The following MGST1 variants were observed in gnomAD, a reference collection of about 807,000 sequenced individuals.
MGST1 encodes glutathione S-transferase 12.
Under a neutral mutation model 8.9 loss-of-function variants are expected in MGST1, and 5 were observed. That is an observed-to-expected ratio of 0.56 (90% CI 0.29 to 1.19). MGST1 has a LOEUF of 1.19. MGST1 is among the 50% of genes most tolerant of loss of function. The pLI, the probability that MGST1 is intolerant of heterozygous loss-of-function variation, is 0.08. For synonymous variants in MGST1, 54 were observed against 67.8 expected (o/e 0.80, Z 1.00); for missense variants, 182 against 187.4 (o/e 0.97, Z 0.17).
chr12:16,474,189 C>T (rs1941306102), intron 4 of MGST1, among the ~76,000 whole-genome samples: 1 of 152,172 alleles, frequency 6.6e-6, no homozygotes, highest in African/African-American at 2.4e-5. Flanking sequence ...GTTGTAGCTG[C>T]TTAACATTGT....
chr12:16,507,172 T>C (rs1941543374), intron 4 of MGST1, among the ~76,000 whole-genome samples: 5 of 152,080 alleles, frequency 3.3e-5, no homozygotes. Flanking sequence ...GTAAGGACAT[T>C]CTACATACAG....
chr12:16,353,711 C>CTGAT (rs200063337), intron 1 of MGST1, among the ~76,000 whole-genome samples: 2,134 of 140,386 alleles, frequency 0.015, 22 homozygotes, highest in South Asian at 0.029. Flanking sequence ...TGCTTGATGT[C>CTGAT]TTCAAGCTAA....
rs150050003 is a variant in MGST1 at position 16,499,630 on chromosome 12, G to C, written n.483-89898G>C. ...GTTGTCGTGTCTCAGTCCAAATTCT[G>C]AAACCCAGAAGAGTTTTTTTTTTTC... is the stretch of plus-strand genomic sequence containing the variant. On this transcript the variant is annotated intron_variant and non_coding_transcript_variant, in intron 4 of 4. Coordinates refer to the MGST1 transcript ENST00000538857. 4.0e-5 allele frequency among the ~76,000 whole-genome samples: 6 copies of C among 148,730 alleles called. No individual in the cohort carries two copies. The East Asian group carries it at 1.2e-3, about 29-fold the overall frequency.
At chr12:16,550,083 CTCT>C (rs1941931365) in intron 4 of MGST1, 1 of 151,982 alleles carries the variant, frequency 6.6e-6, no homozygotes, top group Admixed American at 6.6e-5. Flanking sequence ...CCCTTTGTTT[CTCT>C]TCTTCTAGAA....
chr12:16,495,631 T>A (rs556471060), intron 4 of MGST1, among the ~76,000 whole-genome samples: 1 of 152,164 alleles, frequency 6.6e-6, no homozygotes, highest in East Asian at 1.9e-4. Flanking sequence ...AATGACCATT[T>A]TTCAGTCAAG....
intron 1 of MGST1, chr12:16,399,221 A>G: frequency 6.8e-7 from 1 of 1,476,840 alleles, no homozygotes; most frequent in Non-Finnish European, 9.3e-7. Flanking sequence ...TGTCATGTAA[A>G]ATTTTCAGGG....
intron 4 of MGST1, among the ~76,000 whole-genome samples, chr12:16,558,019 T>C (rs1312707864): frequency 6.6e-6 from 1 of 152,060 alleles, no homozygotes; most frequent in Non-Finnish European, 1.5e-5. Context: ...AGAAGACATA[T>C]GTGAAGCTCT....
chr12:16,412,986 C>T (rs1455449819), intron 1 of MGST1, among the ~76,000 whole-genome samples: 1 of 152,064 alleles, frequency 6.6e-6, no homozygotes, highest in South Asian at 2.1e-4. Flanking sequence ...TGAAGCAGAA[C>T]ATAGATAATA....
At chr12:16,432,173 A>G (rs1055732271) in intron 1 of MGST1, among the ~76,000 whole-genome samples, 30 of 152,102 alleles carry the variant, frequency 2.0e-4, no homozygotes, top group African/African-American at 6.8e-4. Flanking sequence ...CCGATATTGT[A>G]TGCTGGGGTT....
intron 4 of MGST1, among the ~76,000 whole-genome samples, chr12:16,446,125 G>T (rs1368220065): frequency 2.0e-5 from 3 of 151,866 alleles, no homozygotes; most frequent in African/African-American, 4.8e-5. Context: ...CTCCCTCTGG[G>T]TGACTCCACT....
chr12:16,434,192 A>T (rs1293029092), intron 1 of MGST1, among the ~76,000 whole-genome samples: 1 of 152,138 alleles, frequency 6.6e-6, no homozygotes, highest in Non-Finnish European at 1.5e-5. Context: ...CAGATAAATG[A>T]ATGAATAATG....
intron 4 of MGST1, among the ~76,000 whole-genome samples, chr12:16,553,863 G>T (rs1177076074): frequency 1.3e-5 from 2 of 148,852 alleles, no homozygotes; most frequent in Non-Finnish European, 3.0e-5. Flanking sequence ...TTCAGCATTT[G>T]CAGGAAAAAA....
At chr12:16,397,359 T>C (rs912730406) in intron 1 of MGST1, among the ~76,000 whole-genome samples, 26 of 152,168 alleles carry the variant, frequency 1.7e-4, no homozygotes, top group African/African-American at 5.3e-4. Context: ...CCTTTAGACA[T>C]TGGCTTAGGC....
Position 16,538,103 on chromosome 12 carries a change from T to C in MGST1, n.483-51425T>C, listed in dbSNP as rs1326579422. Reference sequence around the variant, plus strand: ...ATCCAAGTCACCTCTTGAATCCTTTTCTGCTTAGAAATTTCCTCTGCCAGA... The same window carrying C: ...ATCCAAGTCACCTCTTGAATCCTTTCCTGCTTAGAAATTTCCTCTGCCAGA... On this transcript the variant is annotated intron_variant and non_coding_transcript_variant, in intron 4 of 4. Coordinates refer to the MGST1 transcript ENST00000538857. Among the ~76,000 whole-genome samples the C allele has an allele frequency of 7.9e-5, 12 of 152,340 alleles. No individual in the cohort carries two copies. In the East Asian group the frequency reaches 1.4e-3, roughly 17 times the overall value.
At chr12:16,529,626 A>G (rs964006958) in intron 4 of MGST1, among the ~76,000 whole-genome samples, 1 of 152,008 alleles carries the variant, frequency 6.6e-6, no homozygotes, top group African/African-American at 2.4e-5. Context: ...CACTTAAGAG[A>G]TGGCCAATGA....
chr12:16,381,649 C>T (rs1034733516), downstream of MGST1, among the ~76,000 whole-genome samples: 3 of 152,098 alleles, frequency 2.0e-5, no homozygotes, highest in African/African-American at 7.2e-5. Context: ...ATCTTTGTGG[C>T]ATTCTCTGTA....
chr12:16,558,091 A>G (rs1286985118), intron 4 of MGST1, among the ~76,000 whole-genome samples: 1 of 152,062 alleles, frequency 6.6e-6, no homozygotes, highest in East Asian at 1.9e-4. Context: ...ATGGCAGGTA[A>G]AAAAGGCACA....
At position 16,458,067 on chromosome 12, in the gene MGST1, T is replaced by C. The variant is rs1182386019; in HGVS notation, n.482+74463T>C. Among the ~76,000 whole-genome samples, 3 of 152,006 alleles carry C rather than the reference T, an allele frequency of 2.0e-5. No individual in the cohort carries two copies. Among genetic ancestry groups the C allele is most frequent in the Non-Finnish European group, 4.4e-5 (3 of 67,958 alleles). ...ATTCAATTACACTGAAATTGTTTAA[T>C]AGAAAATATAATTGCTTATTCATAC... On this transcript the variant is annotated intron_variant and non_coding_transcript_variant, in intron 4 of 4. Coordinates refer to the MGST1 transcript ENST00000538857. This position sits in a 1 kb window ranked among gnomAD's most constrained non-coding sequence, Gnocchi z 4.0.
chr12:16,355,011 C>T (rs567078762), intron 2 of MGST1, among the ~76,000 whole-genome samples: 20 of 151,834 alleles, frequency 1.3e-4, no homozygotes, highest in Non-Finnish European at 5.9e-5. Context: ...AGGGTTTATA[C>T]GTGCTTGAAG....
Sources: gnomAD v4.1 joint callset for allele counts (sites outside exome capture counted in the v4.1 genomes callset) on GRCh38, gnomAD v4.1.1 for gene constraint, Gnocchi (gnomAD v3.1) non-coding constraint, MANE v1.5 for transcripts, NCBI Gene and HGNC (gene_info 2026-07-23, HGNC 2026-07-21) for gene names.